FBXL20: variants seen among roughly 807,000 people sequenced by gnomAD.
The protein encoded by FBXL20 is F-box and leucine rich repeat protein 20.
FBXL20 carries 11 observed loss-of-function variants against 64.0 expected under a neutral mutation model. The ratio of observed to expected loss-of-function variants is 0.17; its 90% CI spans 0.11 to 0.28. The LOEUF (loss-of-function observed/expected upper bound fraction) is 0.28. Ranked by LOEUF, FBXL20 falls within the 10% of genes least tolerant of loss-of-function variation. FBXL20 has a pLI of 1.00. For synonymous variants in FBXL20, 184 were observed against 189.0 expected (o/e 0.97, Z 0.22); for missense variants, 303 against 526.2 (o/e 0.58, Z 4.15).
At chr17:39,385,501 C>T (rs574670651) in intron 1 of FBXL20, among the ~76,000 whole-genome samples, 1 of 152,314 alleles carries the variant, frequency 6.6e-6, no homozygotes, top group South Asian at 2.1e-4. Context: ...AATTAAACCA[C>T]AGGCCTATTC....
At chr17:39,282,070 A>C (rs935517477) in intron 8 of FBXL20, among the ~76,000 whole-genome samples, 2 of 152,228 alleles carry the variant, frequency 1.3e-5, no homozygotes, top group African/African-American at 4.8e-5. Flanking sequence ...CATCGTGATA[A>C]AAGAATCAGG....
rs982429970 is a variant in FBXL20, at chr17:39,253,905, T to C, written c.*7555A>G. 1.3e-5 allele frequency: 2 copies of C among 152,162 alleles called. No individual in the cohort carries two copies. Among genetic ancestry groups the C allele is most frequent in the African/African-American group, 4.8e-5 (2 of 41,406 alleles). The allele number at this position is 152,162 out of a possible 1,614,324, so 9.4% of individuals were successfully genotyped here. On this transcript the variant is annotated 3_prime_UTR_variant, in exon 15 of 15. Coordinates refer to ENST00000264658, the MANE Select transcript of FBXL20 (RefSeq NM_032875.3). ...TAAGATTTTCTAAGACCTTAGGTTT[T>C]CATTCTCTAGTGCCATAAAAAAGGA...
chr17:39,371,981 G>A (rs1184089636), intron 1 of FBXL20, among the ~76,000 whole-genome samples: 1 of 152,194 alleles, frequency 6.6e-6, no homozygotes, highest in East Asian at 1.9e-4. Flanking sequence ...GTTGTACGTG[G>A]TACCTTCAGG....
intron 2 of FBXL20, among the ~76,000 whole-genome samples, chr17:39,340,394 T>A (rs190543128): frequency 1.3e-5 from 2 of 152,014 alleles, no homozygotes; most frequent in Non-Finnish European, 2.9e-5. Flanking sequence ...CGCGCCCGAC[T>A]AATTTCTGTA....
At chr17:39,322,668 G>A (rs1012142524) in intron 2 of FBXL20, among the ~76,000 whole-genome samples, 12 of 151,990 alleles carry the variant, frequency 7.9e-5, no homozygotes, top group Admixed American at 4.6e-4. Flanking sequence ...CTTTCAGATA[G>A]GTAAAGCATG....
At chr17:39,281,930 G>A (rs2046953365) in intron 8 of FBXL20, among the ~76,000 whole-genome samples, 1 of 152,130 alleles carries the variant, frequency 6.6e-6, no homozygotes, top group South Asian at 2.1e-4. Context: ...AGAACAGATG[G>A]TAAGTAACTG....
At chr17:39,324,941 C>T (rs906936081) in intron 2 of FBXL20, among the ~76,000 whole-genome samples, 10 of 152,198 alleles carry the variant, frequency 6.6e-5, no homozygotes, top group African/African-American at 2.4e-4. Context: ...CAGTGGCTCA[C>T]GCCTATAATC....
In FBXL20 at chr17:39,290,243, G is replaced by C. The variant is rs75261019; in HGVS notation, c.399-4670C>G. Among the ~76,000 whole-genome samples, 865 of 151,904 alleles carry C rather than the reference G, an allele frequency of 5.7e-3. 10 individuals are homozygous for C. Among genetic ancestry groups the C allele is most frequent in the African/African-American group, 0.02 (823 of 41,442 alleles). ...TGCTGATTGCTAGTATACAGAAATA[G>C]AATTGAGTTTTTGCAAAGTAGTCAT... On this transcript the variant is annotated intron_variant, in intron 6 of 14. Transcript: ENST00000264658.
intron 1 of FBXL20, among the ~76,000 whole-genome samples, chr17:39,400,889 A>G (rs1417792098): frequency 6.6e-6 from 1 of 152,142 alleles, no homozygotes; most frequent in African/African-American, 2.4e-5. Flanking sequence ...ATCCCAAACT[A>G]CCGTCCCCAC....
At chr17:39,308,828 G>A (rs2047206592) in intron 2 of FBXL20, among the ~76,000 whole-genome samples, 1 of 151,918 alleles carries the variant, frequency 6.6e-6, no homozygotes, top group South Asian at 2.1e-4. Flanking sequence ...GCCTCCCAAA[G>A]TGCTGGGATT....
intron 6 of FBXL20, among the ~76,000 whole-genome samples, chr17:39,292,230 AT>A (rs1194351741): frequency 1.3e-5 from 2 of 149,782 alleles, no homozygotes; most frequent in Non-Finnish European, 3.0e-5. Context: ...TTTTCATCTA[AT>A]TTTTTTCCTT....
intron 2 of FBXL20, among the ~76,000 whole-genome samples, chr17:39,304,183 A>C (rs1459703090): frequency 6.6e-6 from 1 of 152,154 alleles, no homozygotes; most frequent in Non-Finnish European, 1.5e-5. Context: ...TCAATTACCT[A>C]CACCAAAGGA....
intron 1 of FBXL20, among the ~76,000 whole-genome samples, chr17:39,398,220 C>T (rs1308759193): frequency 2.0e-5 from 3 of 151,976 alleles, no homozygotes; most frequent in Non-Finnish European, 1.5e-5. Context: ...GAAGTGGTTG[C>T]AGTGAGCCGA....
intron 3 of FBXL20, 21 bp from the exon 4 acceptor site, chr17:39,301,096 C>A: frequency 4.4e-6 from 7 of 1,602,474 alleles, no homozygotes; most frequent in Non-Finnish European, 6.0e-6. Context: ...GAAAAAGAGA[C>A]AGAATGAGCA....
At chr17:39,320,908 A>G (rs1010722490) in intron 2 of FBXL20, among the ~76,000 whole-genome samples, 1 of 152,174 alleles carries the variant, frequency 6.6e-6, no homozygotes, top group East Asian at 1.9e-4. Context: ...CTCTACAACA[A>G]AAAGTGACTA....
At chr17:39,272,508 G>C (rs1337455122) in intron 10 of FBXL20, among the ~76,000 whole-genome samples, 1 of 151,480 alleles carries the variant, frequency 6.6e-6, no homozygotes, top group African/African-American at 2.4e-5. Flanking sequence ...AGACCACCCT[G>C]GCCAACACAG....
intron 4 of FBXL20, among the ~76,000 whole-genome samples, chr17:39,300,327 A>G (rs780755737): frequency 3.3e-5 from 5 of 152,156 alleles, no homozygotes; most frequent in Non-Finnish European, 7.4e-5. Flanking sequence ...ACGTGCCCTC[A>G]AAAAACCTCA....
At chr17:39,354,512 G>A (rs1329759957) in intron 1 of FBXL20, among the ~76,000 whole-genome samples, 1 of 152,162 alleles carries the variant, frequency 6.6e-6, no homozygotes, top group African/African-American at 2.4e-5. Context: ...TATAAGCTCT[G>A]AGAGGAAAGG....
At chr17:39,317,297 T>C (rs1324266643) in intron 2 of FBXL20, among the ~76,000 whole-genome samples, 2 of 151,906 alleles carry the variant, frequency 1.3e-5, no homozygotes, top group African/African-American at 2.4e-5. Context: ...AGTGGTGCTA[T>C]CTTGGCTCAC....
Sources: gnomAD v4.1 joint callset for allele counts (sites outside exome capture counted in the v4.1 genomes callset) on GRCh38, gnomAD v4.1.1 for gene constraint, MANE v1.5 for transcripts, NCBI Gene and HGNC (gene_info 2026-07-23, HGNC 2026-07-21) for gene names.